The following FAF1 variants were observed in gnomAD, a reference collection of about 807,000 sequenced individuals.
The protein encoded by FAF1 is FAS-associated factor 1.
A neutral mutation model predicts 92.5 loss-of-function variants in FAF1; 25 were observed. That is an observed-to-expected ratio of 0.27 (90% confidence interval 0.20 to 0.38). The LOEUF (loss-of-function observed/expected upper bound fraction) is 0.38, where lower values mean the gene tolerates loss of function less well. Ranked by LOEUF, FAF1 falls within the 10% of genes least tolerant of loss-of-function variation. The pLI, the probability that FAF1 is intolerant of heterozygous loss-of-function variation, is 1.00. For synonymous variants in FAF1, 234 were observed against 273.2 expected (o/e 0.86, Z 1.42); for missense variants, 636 against 793.3 (o/e 0.80, Z 2.38).
At chr1:50,810,818 A>G (rs11205771) in intron 2 of FAF1, among the ~76,000 whole-genome samples, 14,685 of 152,202 alleles carry the variant, frequency 0.096, 743 homozygotes, top group African/African-American at 0.13. Flanking sequence ...GGAGGCCGAG[A>G]TGGGTGTATC....
chr1:50,675,087 C>T (rs1456323583), intron 7 of FAF1, among the ~76,000 whole-genome samples: 3 of 152,102 alleles, frequency 2.0e-5, no homozygotes, highest in Non-Finnish European at 4.4e-5. Context: ...GACAGGGTTT[C>T]GCCATGTTGG....
chr1:50,692,274 TGTG>T (rs1557478266), intron 7 of FAF1, among the ~76,000 whole-genome samples: 1 of 151,392 alleles, frequency 6.6e-6, no homozygotes, highest in African/African-American at 2.4e-5. Context: ...TGTGTGTGTG[TGTG>T]TGTGTGTGTG....
chr1:50,630,959 T>C (rs1395567016), intron 8 of FAF1, among the ~76,000 whole-genome samples: 1 of 150,304 alleles, frequency 6.7e-6, no homozygotes, highest in Admixed American at 6.7e-5. Flanking sequence ...CCTGCCACCA[T>C]GCCCGGCTAA....
At chr1:50,555,299 C>T (rs1007596952) in intron 13 of FAF1, among the ~76,000 whole-genome samples, 2 of 148,958 alleles carry the variant, frequency 1.3e-5, no homozygotes, top group African/African-American at 2.5e-5. Flanking sequence ...ACACACCCCC[C>T]AAAATAAAAC....
At chr1:50,955,850 T>G (rs891981529) in intron 1 of FAF1, among the ~76,000 whole-genome samples, 6 of 152,190 alleles carry the variant, frequency 3.9e-5, no homozygotes, top group Admixed American at 1.3e-4. Context: ...ATATGACTCT[T>G]GGGCACATTA....
At chr1:50,752,842 C>G (rs1659922111) in intron 4 of FAF1, among the ~76,000 whole-genome samples, 1 of 152,050 alleles carries the variant, frequency 6.6e-6, no homozygotes, top group Non-Finnish European at 1.5e-5. Context: ...ACCGCCACAC[C>G]TGGCTAATTT....
chr1:50,584,236 T>C lies in FAF1; in HGVS notation c.967+449A>G, dbSNP rs185187338. ...TCTTGTTATTCTATAGTACACATCT[T>C]GTAAGTGGAAGTGAAAGAGATGGTA... is the stretch of plus-strand genomic sequence containing the variant. On this transcript the variant is annotated intron_variant, in intron 10 of 18. Transcript: ENST00000396153. Among the ~76,000 whole-genome samples the C allele has an allele frequency of 3.3e-5, 5 of 152,246 alleles. 1 individual carries two copies. In the East Asian group the frequency reaches 9.6e-4, roughly 29 times the overall value.
chr1:50,780,598 T>C (rs781421248), intron 4 of FAF1: 3 of 195,828 alleles, frequency 1.5e-5, no homozygotes, highest in Non-Finnish European at 3.2e-5. Context: ...ATTTACAGAA[T>C]GTCAGTGTAA....
chr1:50,497,401 C>T (rs1317687723), intron 15 of FAF1, among the ~76,000 whole-genome samples: 2 of 151,758 alleles, frequency 1.3e-5, no homozygotes, highest in Admixed American at 1.3e-4. Flanking sequence ...ATATGTATTA[C>T]AGTAAAAGTT....
At chr1:50,798,798 C>T (rs1030408779) in intron 3 of FAF1, among the ~76,000 whole-genome samples, 9 of 152,116 alleles carry the variant, frequency 5.9e-5, no homozygotes, top group African/African-American at 2.2e-4. Flanking sequence ...AAAATAATAA[C>T]TATAAAAAAC....
At chr1:50,728,070 T>C (rs1486595463) in intron 6 of FAF1, among the ~76,000 whole-genome samples, 2 of 152,190 alleles carry the variant, frequency 1.3e-5, no homozygotes, top group African/African-American at 2.4e-5. Flanking sequence ...CGTATATACA[T>C]ATATCCTATT....
chr1:50,443,088 C>A (rs144958707), intron 18 of FAF1, among the ~76,000 whole-genome samples: 1 of 152,198 alleles, frequency 6.6e-6, no homozygotes, highest in African/African-American at 2.4e-5. Flanking sequence ...GCTTCTCATT[C>A]GTTGGCATTT....
chr1:50,539,095 A>C (rs1051779445), intron 14 of FAF1, among the ~76,000 whole-genome samples: 2 of 152,256 alleles, frequency 1.3e-5, no homozygotes, highest in African/African-American at 2.4e-5. Context: ...CACTGTGGTT[A>C]AATTCACAGG....
chr1:50,621,313 C>T (rs944972647), intron 8 of FAF1, among the ~76,000 whole-genome samples: 9 of 151,368 alleles, frequency 5.9e-5, no homozygotes, highest in African/African-American at 1.2e-4. Flanking sequence ...AATGGGCCTT[C>T]GCAGGAGCCA....
At chr1:50,682,903 C>T (rs1036995507) in intron 7 of FAF1, among the ~76,000 whole-genome samples, 2 of 151,394 alleles carry the variant, frequency 1.3e-5, no homozygotes, top group African/African-American at 4.9e-5. Flanking sequence ...ACCATACTGG[C>T]CAAATGGTGA....
intron 13 of FAF1, among the ~76,000 whole-genome samples, chr1:50,565,333 T>G (rs1650124604): frequency 6.6e-6 from 1 of 152,126 alleles, no homozygotes; most frequent in South Asian, 2.1e-4. Context: ...TTTACAAATT[T>G]TCATGACAGT....
chr1:50,562,835 G>A (rs1233048012), intron 13 of FAF1, among the ~76,000 whole-genome samples: 1 of 152,146 alleles, frequency 6.6e-6, no homozygotes, highest in African/African-American at 2.4e-5. Flanking sequence ...AAACACAGTT[G>A]GTCTTCTGCA....
At chr1:50,780,068 CAT>C (rs1172178675) in intron 4 of FAF1, among the ~76,000 whole-genome samples, 4 of 150,980 alleles carry the variant, frequency 2.6e-5, no homozygotes, top group Non-Finnish European at 5.9e-5. Context: ...AGACAGAAAA[CAT>C]ATAAGAAAAT....
At chr1:50,617,289 T>C (rs942959900) in intron 8 of FAF1, among the ~76,000 whole-genome samples, 3 of 152,212 alleles carry the variant, frequency 2.0e-5, no homozygotes, top group African/African-American at 7.2e-5. Context: ...TGGTTAATGA[T>C]AGATGGCTCT....
Sources: allele counts gnomAD v4.1 joint callset (sites outside exome capture counted in the v4.1 genomes callset), GRCh38; gene constraint gnomAD v4.1.1; transcripts MANE v1.5; gene names NCBI Gene and HGNC (gene_info 2026-07-23, HGNC 2026-07-21).